Variants in ACTRT1 observed in about 807,000 individuals in gnomAD.
ACTRT1 encodes actin related protein T1, also known as actin-related protein T1.
ACTRT1 carries 1 observed loss-of-function variant against 1.4 expected under a neutral mutation model. The observed-to-expected ratio is 0.69, with a 90% confidence interval of 0.25 to 3.28. The LOEUF (loss-of-function observed/expected upper bound fraction) is 3.28. Ranked by LOEUF, ACTRT1 falls within the 30% of genes most tolerant of loss-of-function variation. The probability of loss-of-function intolerance (pLI) is 0.20; values close to 1 mark genes in which losing one functional copy is unlikely to be tolerated. For missense variants in ACTRT1, 334 were observed against 291.5 expected (o/e 1.15, Z -1.06); for synonymous variants, 121 against 115.2 (o/e 1.05, Z -0.32).
At position 128,051,845 on chromosome X, in the gene ACTRT1, T is replaced by C; in HGVS notation, c.362A>G (p.Lys121Arg). 1 of 1,211,271 alleles carries C rather than the reference T, an allele frequency of 8.3e-7. No individual in the cohort carries two copies. Among genetic ancestry groups the C allele is most frequent in the Non-Finnish European group, 1.1e-6 (1 of 895,432 alleles). Reference protein sequence around the residue: ...PSLNPREIREKLAEMMFETFS... With the variant: ...PSLNPREIRERLAEMMFETFS... The stretch of plus-strand genomic sequence containing the variant: ...GGTCTCAAACATCATTTCTGCTAGC[T>C]TTTCTCGAATTTCCCTAGGATTCAA... Residue 121 changes from lysine (K) to arginine (R), a missense_variant, in exon 1 of 1, where the codon AAG becomes AGG. Lys to Arg is a conservative substitution (Grantham distance 26). Transcript: ENST00000371124.
chrX:128,052,233 C>T lies in ACTRT1; in HGVS notation c.-27G>A. 8.7e-7 allele frequency: 1 copy of T among 1,143,367 alleles called. No homozygotes were observed. Among genetic ancestry groups the T allele is most frequent in the South Asian group, 2.2e-5 (1 of 46,335 alleles). The allele number at this position is 1,143,367 out of a possible 1,213,427, so 94.2% of individuals were successfully genotyped here. ...TCTGTAATATGTTCTCCTGGACTTC[C>T]CCCAAATAAAGAAAGAACACTTACG... On this transcript the variant is annotated 5_prime_UTR_variant, in exon 1 of 1. Coordinates refer to ENST00000371124, the MANE Select transcript of ACTRT1 (RefSeq NM_138289.4).
At position 128,051,506 on chromosome X, in the gene ACTRT1, C is replaced by T. The variant is rs996690769; in HGVS notation, c.701G>A (p.Arg234Gln). ...LEPEKELRKS[R>Q]GEVLGAYRLP... The stretch of plus-strand genomic sequence containing the variant: ...TCTGTATGCTCCCAGGACCTCTCCC[C>T]GGCTCTTGCGTAGCTCTTTCTCTGG... Residue 234 changes from arginine to glutamine, a missense_variant, in exon 1 of 1, where the codon CGG (arginine) becomes CAG (glutamine). By Grantham distance (43) the Arg-to-Gln change is conservative. Coordinates refer to ENST00000371124, the MANE Select transcript of ACTRT1 (RefSeq NM_138289.4). The T allele has an allele frequency of 2.1e-5, 25 of 1,208,461 alleles. No homozygotes were observed. Among genetic ancestry groups the T allele is most frequent in the Admixed American group, 6.6e-5 (3 of 45,516 alleles).
Position 128,051,061 on chromosome X carries a change from T to A in ACTRT1, c.*15A>T, listed in dbSNP as rs766215325. The A allele has an allele frequency of 8.3e-7, 1 of 1,197,686 alleles. No individual in the cohort carries two copies. The highest frequency in any genetic ancestry group is 1.8e-5 in the South Asian group (1 of 55,031). Reference sequence around the variant, plus strand: ...TAATCTGACACTTCAAGATGTCTCCTCTGCTCAAGGATCTTTAAAAGCACC... The same window carrying A: ...TAATCTGACACTTCAAGATGTCTCCACTGCTCAAGGATCTTTAAAAGCACC... On this transcript the variant is annotated 3_prime_UTR_variant, in exon 1 of 1. Coordinates refer to ENST00000371124, the MANE Select transcript of ACTRT1 (RefSeq NM_138289.4).
Position 128,051,858 on chromosome X carries a change from C to T in ACTRT1, c.349G>A (p.Glu117Lys). The change falls in exon 1 of 1, where the codon GAA becomes AAA. Residue 117 changes from glutamate (E) to lysine (K), a missense_variant. Physicochemically the swap from Glu to Lys is moderately conservative, Grantham distance 56. Coordinates refer to ENST00000371124, the MANE Select transcript of ACTRT1 (RefSeq NM_138289.4). ...ATTTCTGCTAGCTTTTCTCGAATTTCCCTAGGATTCAAAGAGGGCTCGGTC... is the reference window on the plus strand; with the variant it reads ...ATTTCTGCTAGCTTTTCTCGAATTTTCCTAGGATTCAAAGAGGGCTCGGTC... ...LMTEPSLNPR[E>K]IREKLAEMMF... 1 of 1,211,463 alleles carries T rather than the reference C, an allele frequency of 8.3e-7. No homozygotes were observed. Among genetic ancestry groups the T allele is most frequent in the African/African-American group, 1.7e-5 (1 of 57,729 alleles).
chrX:128,051,128 G>A lies in ACTRT1; in HGVS notation c.1079C>T (p.Ser360Leu), dbSNP rs376262844. The A allele has an allele frequency of 1.1e-4, 127 of 1,206,977 alleles. No individual in the cohort carries two copies. Among genetic ancestry groups the A allele is most frequent in the East Asian group, 4.8e-4 (16 of 33,534 alleles). ...TGTCCCATACTCCTTGAAGTCTGCC[G>A]AGGTGACCCACATCTGCTTGAAACT... Reference protein sequence around the residue: ...MSSFKQMWVTSADFKEYGTSV... With the variant: ...MSSFKQMWVTLADFKEYGTSV... The change falls in exon 1 of 1, where the codon TCG becomes TTG. Residue 360 changes from serine (S) to leucine (L), a missense_variant. Ser to Leu is a moderately radical substitution (Grantham distance 145). Coordinates refer to ENST00000371124, the MANE Select transcript of ACTRT1 (RefSeq NM_138289.4).
Position 128,051,839 on chromosome X carries a change from G to C in ACTRT1, c.368C>G (p.Ala123Gly). ...ACTGAAGGTCTCAAACATCATTTCT[G>C]CTAGCTTTTCTCGAATTTCCCTAGG... ...LNPREIREKL[A>G]EMMFETFSVP... is the part of the protein sequence containing the mutation. Residue 123 changes from alanine to glycine, a missense_variant, in exon 1 of 1, where the codon GCA becomes GGA. Coordinates refer to ENST00000371124, the MANE Select transcript of ACTRT1 (RefSeq NM_138289.4). 3 of 1,211,548 alleles carry C rather than the reference G, an allele frequency of 2.5e-6. No individual in the cohort carries two copies. The highest frequency in any genetic ancestry group is 3.4e-6 in the Non-Finnish European group (3 of 895,500).
At position 128,052,281 on chromosome X, in the gene ACTRT1, C is replaced by A. The variant is rs1052416455; in HGVS notation, c.-75G>T. The A allele has an allele frequency of 2.8e-6, 3 of 1,082,474 alleles. No individual in the cohort carries two copies. In the African/African-American group the frequency reaches 5.6e-5, roughly 20 times the overall value. The allele number at this position is 1,082,474 out of a possible 1,213,427, so 89.2% of individuals were successfully genotyped here. ...ACGTCACTCTCTGAGATGACAGGCACCTTTAGAATTTTTTAAACTTCAGGG... is the reference window on the plus strand; with the variant it reads ...ACGTCACTCTCTGAGATGACAGGCAACTTTAGAATTTTTTAAACTTCAGGG... On this transcript the variant is annotated 5_prime_UTR_variant, in exon 1 of 1. Coordinates refer to ENST00000371124, the MANE Select transcript of ACTRT1 (RefSeq NM_138289.4).
Position 128,051,634 on chromosome X carries a change from G to A in ACTRT1, c.573C>T (p.His191=). 1 of 1,211,173 alleles carries A rather than the reference G, an allele frequency of 8.3e-7. No homozygotes were observed. Among genetic ancestry groups the A allele is most frequent in the African/African-American group, 1.7e-5 (1 of 57,707 alleles). The change falls in exon 1 of 1, where the codon CAC becomes CAT. Residue 191 remains histidine (H), a synonymous_variant. Coordinates refer to ENST00000371124, the MANE Select transcript of ACTRT1 (RefSeq NM_138289.4). ...CGCTAGCAAAGAGGAGCCGGGTGAGGTGCTCTGTGATGTCCCTCCCTGCCA... is the reference window on the plus strand; with the variant it reads ...CGCTAGCAAAGAGGAGCCGGGTGAGATGCTCTGTGATGTCCCTCCCTGCCA... The part of the protein sequence containing the change: ...LCMAGRDITE[H]LTRLLFASGF...
In ACTRT1 at chrX:128,051,713, G is replaced by A; in HGVS notation, c.494C>T (p.Thr165Ile). 8.3e-7 allele frequency: 1 copy of A among 1,211,481 alleles called. No individual in the cohort carries two copies. Among genetic ancestry groups the A allele is most frequent in the Non-Finnish European group, 1.1e-6 (1 of 895,460 alleles). Residue 165 changes from threonine (T) to isoleucine (I), a missense_variant, in exon 1 of 1, where the codon ACT becomes ATT. Thr to Ile is a moderately conservative substitution (Grantham distance 89, BLOSUM62 -1). Transcript: ENST00000371124. ...VVDSGDGVTC[T>I]VPIFEGYSLP... ...GGAGTAACCCTCAAAGATGGGGACA[G>A]TGCAAGTGACCCCATCTCCACTGTC...
At position 128,051,766 on chromosome X, in the gene ACTRT1, G is replaced by A. The variant is rs1569354623; in HGVS notation, c.441C>T (p.Ala147=). ...LSNHAVAALY[A]SACVTGLVVD... is the part of the protein sequence containing the mutation. ...CCACCAGGCCTGTGACACAGGCAGAGGCATAGAGCGCTGCCACCGCATGAT... is the reference window on the plus strand; with the variant it reads ...CCACCAGGCCTGTGACACAGGCAGAAGCATAGAGCGCTGCCACCGCATGAT... The change falls in exon 1 of 1, where the codon GCC becomes GCT. Residue 147 remains alanine, a synonymous_variant. Transcript: ENST00000371124. 2 of 1,210,942 alleles carry A rather than the reference G, an allele frequency of 1.7e-6. No homozygotes were observed. Among genetic ancestry groups the A allele is most frequent in the East Asian group, 3.0e-5 (1 of 33,707 alleles).
rs141055838 is a variant in ACTRT1 at position 128,051,476 on chromosome X, G to A, written c.731C>T (p.Pro244Leu). The change falls in exon 1 of 1, where the codon CCA becomes CTA. Residue 244 changes from proline (P) to leucine (L), a missense_variant. By Grantham distance (98) the Pro-to-Leu change is moderately conservative. Coordinates refer to ENST00000371124, the MANE Select transcript of ACTRT1 (RefSeq NM_138289.4). ...CCCAAAGTGGATGACATGTCCATCT[G>A]GCAGTCTGTATGCTCCCAGGACCTC... ...RGEVLGAYRL[P>L]DGHVIHFGDE... 75 of 1,208,447 alleles carry A rather than the reference G, an allele frequency of 6.2e-5. No individual in the cohort carries two copies. The highest frequency in any genetic ancestry group is 8.2e-5 in the Non-Finnish European group (73 of 894,913).
rs1208312882 is a variant in ACTRT1 at position 128,051,863 on chromosome X, G to A, written c.344C>T (p.Pro115Leu). 1 of 1,211,583 alleles carries A rather than the reference G, an allele frequency of 8.3e-7. No homozygotes were observed. Among genetic ancestry groups the A allele is most frequent in the Admixed American group, 2.2e-5 (1 of 46,029 alleles). The change falls in exon 1 of 1, where the codon CCT becomes CTT. Residue 115 changes from proline to leucine, a missense_variant. Coordinates refer to ENST00000371124, the MANE Select transcript of ACTRT1 (RefSeq NM_138289.4). The stretch of plus-strand genomic sequence containing the variant: ...TGCTAGCTTTTCTCGAATTTCCCTA[G>A]GATTCAAAGAGGGCTCGGTCATAAG... ...PVLMTEPSLN[P>L]REIREKLAEM...
chrX:128,052,190 G>A lies in ACTRT1; in HGVS notation c.17C>T (p.Ala6Val). 1 of 1,198,613 alleles carries A rather than the reference G, an allele frequency of 8.3e-7. No homozygotes were observed. The highest frequency in any genetic ancestry group is 1.1e-6 in the Non-Finnish European group (1 of 888,628). Residue 6 changes from alanine (A) to valine (V), a missense_variant, in exon 1 of 1, where the codon GCA (alanine) becomes GTA (valine). Physicochemically the swap from Ala to Val is moderately conservative, Grantham distance 64. Coordinates refer to ENST00000371124, the MANE Select transcript of ACTRT1 (RefSeq NM_138289.4). Reference protein sequence around the residue: MFNPHALDVPAVIFDN... With the variant: MFNPHVLDVPAVIFDN... ...AAAAATTACAGCAGGAACATCTAAT[G>A]CATGTGGATTAAACATGTCTGTAAT...
chrX:128,051,117 T>G lies in ACTRT1; in HGVS notation c.1090A>C (p.Lys364Gln), dbSNP rs758443325. Residue 364 changes from lysine to glutamine, a missense_variant, in exon 1 of 1, where the codon AAG (lysine) becomes CAG (glutamine). By Grantham distance (53) the Lys-to-Gln change is moderately conservative. Coordinates refer to ENST00000371124, the MANE Select transcript of ACTRT1 (RefSeq NM_138289.4). Reference protein sequence around the residue: ...KQMWVTSADFKEYGTSVVQRR... With the variant: ...KQMWVTSADFQEYGTSVVQRR... Reference sequence around the variant, plus strand: ...TGAACCACAGATGTCCCATACTCCTTGAAGTCTGCCGAGGTGACCCACATC... The same window carrying G: ...TGAACCACAGATGTCCCATACTCCTGGAAGTCTGCCGAGGTGACCCACATC... 56 of 1,207,397 alleles carry G rather than the reference T, an allele frequency of 4.6e-5. No individual in the cohort carries two copies. Among genetic ancestry groups the G allele is most frequent in the Non-Finnish European group, 5.9e-5 (53 of 894,722 alleles).
In ACTRT1 at chrX:128,052,258, G is replaced by A. The variant is rs139494763; in HGVS notation, c.-52C>T. The stretch of plus-strand genomic sequence containing the variant: ...CCCCAAATAAAGAAAGAACACTTAC[G>A]TCACTCTCTGAGATGACAGGCACCT... On this transcript the variant is annotated 5_prime_UTR_variant, in exon 1 of 1. The change creates a new upstream start codon in the 5' untranslated region. Coordinates refer to ENST00000371124, the MANE Select transcript of ACTRT1 (RefSeq NM_138289.4). The A allele has an allele frequency of 1.2e-3, 1,364 of 1,115,592 alleles. 8 individuals carry two copies. In the African/African-American group the frequency reaches 0.019, roughly 15 times the overall value. 91.9% of individuals were successfully genotyped at this position (1,115,592 alleles called of 1,213,427 possible).
At position 128,050,997 on chromosome X, in the gene ACTRT1, A is replaced by T; in HGVS notation, c.*79T>A. ...AAAACTTTTATTGAACATCATGCTG[A>T]AGCCCAGAAGAAAATGCCATCTCCC... is the stretch of plus-strand genomic sequence containing the variant. On this transcript the variant is annotated 3_prime_UTR_variant, in exon 1 of 1. Coordinates refer to ENST00000371124, the MANE Select transcript of ACTRT1 (RefSeq NM_138289.4). The T allele has an allele frequency of 9.2e-7, 1 of 1,082,524 alleles. No individual in the cohort carries two copies. The highest frequency in any genetic ancestry group is 1.8e-5 in the African/African-American group (1 of 54,096). 89.2% of individuals were successfully genotyped at this position (1,082,524 alleles called of 1,213,427 possible).
In ACTRT1 at chrX:128,051,576, C is replaced by T. The variant is rs192777796; in HGVS notation, c.631G>A (p.Val211Met). 4.7e-5 allele frequency: 57 copies of T among 1,209,189 alleles called. No homozygotes were observed. Among genetic ancestry groups the T allele is most frequent in the Non-Finnish European group, 5.3e-5 (47 of 895,099 alleles). The change falls in exon 1 of 1, where the codon GTG (valine) becomes ATG (methionine). Residue 211 changes from valine (V) to methionine (M), a missense_variant. Coordinates refer to ENST00000371124, the MANE Select transcript of ACTRT1 (RefSeq NM_138289.4). ...FNFPCILNKA[V>M]VNNIKEKLCY... ...AACTTCTCTTTGATGTTATTTACCA[C>T]GGCCTTGTTGAGTATGCAAGGGAAG...
Position 128,051,022 on chromosome X carries a change from C to T in ACTRT1, c.*54G>A. The T allele has an allele frequency of 8.8e-7, 1 of 1,141,132 alleles. No homozygotes were observed. The highest frequency in any genetic ancestry group is 1.2e-6 in the Non-Finnish European group (1 of 851,849). The allele number at this position is 1,141,132 out of a possible 1,213,427, so 94.0% of individuals were successfully genotyped here. A position where few individuals can be genotyped will look rare whatever the true frequency, so the allele number is the denominator to read the frequency against. On this transcript the variant is annotated 3_prime_UTR_variant, in exon 1 of 1. Coordinates refer to ENST00000371124, the MANE Select transcript of ACTRT1 (RefSeq NM_138289.4). ...AAGCCCAGAAGAAAATGCCATCTCC[C>T]ACTGGTACTCCTGTAATCTGACACT...
rs1425233149 is a variant in ACTRT1, at chrX:128,051,116, T to C, written c.1091A>G (p.Lys364Arg). The C allele has an allele frequency of 1.2e-5, 14 of 1,210,238 alleles. No individual in the cohort carries two copies. Among genetic ancestry groups the C allele is most frequent in the Non-Finnish European group, 1.3e-5 (12 of 895,242 alleles). Residue 364 changes from lysine to arginine, a missense_variant, in exon 1 of 1, where the codon AAG (lysine) becomes AGG (arginine). Transcript: ENST00000371124. ...TTGAACCACAGATGTCCCATACTCC[T>C]TGAAGTCTGCCGAGGTGACCCACAT... ...KQMWVTSADF[K>R]EYGTSVVQRR...
Sources: allele counts gnomAD v4.1 joint callset, GRCh38; gene constraint gnomAD v4.1.1; transcripts MANE v1.5; gene names NCBI Gene and HGNC (gene_info 2026-07-23, HGNC 2026-07-21).